ZFYVE9: variants seen among roughly 807,000 people sequenced by gnomAD.
ZFYVE9 encodes zinc finger FYVE domain-containing protein 9.
ZFYVE9 carries 43 observed loss-of-function variants against 126.7 expected under a neutral mutation model. That is an observed-to-expected ratio of 0.34 (90% CI 0.27 to 0.44). The LOEUF is 0.44. Ranked by LOEUF, ZFYVE9 falls within the 20% of genes least tolerant of loss-of-function variation. The pLI is 1.00. For synonymous variants in ZFYVE9, 521 were observed against 597.4 expected (o/e 0.87, Z 1.87); for missense variants, 1,476 against 1,697.0 (o/e 0.87, Z 2.29).
intron 1 of ZFYVE9, among the ~76,000 whole-genome samples, chr1:52,172,044 C>T (rs1644577011): frequency 6.6e-6 from 1 of 151,942 alleles, no homozygotes; most frequent in African/African-American, 2.4e-5. Flanking sequence ...GTTGCCATTG[C>T]TTTTGGTGTT....
In ZFYVE9 at chr1:52,152,801, A is replaced by G. The variant is rs560276765; in HGVS notation, c.-143+10398A>G. Among the ~76,000 whole-genome samples, 19 of 152,342 alleles carry G rather than the reference A, an allele frequency of 1.2e-4. No individual in the cohort carries two copies. The South Asian group carries it at 3.9e-3, about 32-fold the overall frequency. ...ATCAGTGGGTTAAATAAACAGATACATGTAAAGAGCTAAGTACATAGTGTA... is the reference window on the plus strand; with the variant it reads ...ATCAGTGGGTTAAATAAACAGATACGTGTAAAGAGCTAAGTACATAGTGTA... On this transcript the variant is annotated intron_variant, in intron 1 of 18. Transcript: ENST00000287727.
In ZFYVE9 at chr1:52,254,020, A is replaced by G. The variant is rs983260605; in HGVS notation, c.2179-9753A>G. 3.9e-6 allele frequency: 3 copies of G among 763,636 alleles called. No homozygotes were observed. The African/African-American group carries it at 5.2e-5, about 13-fold the overall frequency. 47.3% of individuals were successfully genotyped at this position (763,636 alleles called of 1,614,324 possible). ...TGATAATCATAGGAAGCCAACTTGGACGTTAATGATACAGATTGCTGTTCT... is the reference window on the plus strand; with the variant it reads ...TGATAATCATAGGAAGCCAACTTGGGCGTTAATGATACAGATTGCTGTTCT... On this transcript the variant is annotated intron_variant, in intron 4 of 18. Coordinates refer to ENST00000287727, the MANE Select transcript of ZFYVE9 (RefSeq NM_004799.4).
intron 4 of ZFYVE9, among the ~76,000 whole-genome samples, chr1:52,255,898 T>C (rs531751600): frequency 8.8e-5 from 9 of 102,128 alleles, no homozygotes; most frequent in Non-Finnish European, 1.6e-4. Context: ...CTATTTTGCT[T>C]TTTTCTTTTC....
At chr1:52,181,327 C>T (rs1417603419) in intron 1 of ZFYVE9, among the ~76,000 whole-genome samples, 9 of 152,242 alleles carry the variant, frequency 5.9e-5, no homozygotes, top group South Asian at 2.1e-4. Flanking sequence ...GCGAGTGATC[C>T]GCCAGCCTCG....
At chr1:52,183,287 AAGTAAACC>A (rs1306661391) in intron 1 of ZFYVE9, among the ~76,000 whole-genome samples, 46 of 152,294 alleles carry the variant, frequency 3.0e-4, no homozygotes, top group Non-Finnish European at 5.9e-4. Context: ...ATATATTGGG[AAGTAAACC>A]AGTTAAGTAG....
At chr1:52,252,649 C>G (rs1428626465) in intron 4 of ZFYVE9, 8 of 319,940 alleles carry the variant, frequency 2.5e-5, no homozygotes, top group Non-Finnish European at 3.9e-5. Flanking sequence ...TGAGCCACCA[C>G]GCCTGGCCGA....
intron 1 of ZFYVE9, among the ~76,000 whole-genome samples, chr1:52,206,005 A>G (rs2124578063): frequency 6.6e-6 from 1 of 152,296 alleles, no homozygotes; most frequent in South Asian, 2.1e-4. Flanking sequence ...GTTGAAACTG[A>G]TTTTGATGCC....
chr1:52,189,757 C>G (rs1486299661), intron 1 of ZFYVE9, among the ~76,000 whole-genome samples: 1 of 150,844 alleles, frequency 6.6e-6, no homozygotes, highest in African/African-American at 2.4e-5. Context: ...CCTATGTTTT[C>G]TTTGAAGAGT....
chr1:52,181,601 C>T (rs1042096429), intron 1 of ZFYVE9, among the ~76,000 whole-genome samples: 1 of 150,698 alleles, frequency 6.6e-6, no homozygotes, highest in African/African-American at 2.5e-5. Flanking sequence ...AAGTGAGGAG[C>T]GTCTCTGCCC....
chr1:52,156,377 A>G (rs942273358), intron 1 of ZFYVE9, among the ~76,000 whole-genome samples: 7 of 152,226 alleles, frequency 4.6e-5, no homozygotes, highest in African/African-American at 1.4e-4. Context: ...ATGGATATAT[A>G]TAGGGACTAC....
intron 10 of ZFYVE9, among the ~76,000 whole-genome samples, chr1:52,290,519 A>G (rs1376898951): frequency 1.3e-5 from 2 of 152,152 alleles, no homozygotes; most frequent in Non-Finnish European, 2.9e-5. Flanking sequence ...AGATAAAGAG[A>G]TGAAAAAAAA....
rs1644271275 is a variant in ZFYVE9 at position 52,142,713 on chromosome 1, C to T, written c.-143+310C>T. ...GGTTTGCATGGGCCCGGGCCGAGCG[C>T]AGCCTCTTAGCCCGGGCCCTGCACG... On this transcript the variant is annotated intron_variant, in intron 1 of 18. Coordinates refer to ENST00000287727, the MANE Select transcript of ZFYVE9 (RefSeq NM_004799.4). This position sits in a 1 kb window ranked among gnomAD's most constrained non-coding sequence, Gnocchi z 4.5. 6.6e-6 allele frequency among the ~76,000 whole-genome samples: 1 copy of T among 152,158 alleles called. No homozygotes were observed. The highest frequency in any genetic ancestry group is 2.1e-4 in the South Asian group (1 of 4,828).
chr1:52,162,695 G>A, intron 1 of ZFYVE9: 1 of 294,580 alleles, frequency 3.4e-6, no homozygotes, highest in East Asian at 8.0e-5. Context: ...TTGCCCTTCT[G>A]CCAGTGTGTC....
At chr1:52,163,010 C>T (rs1644477551) in intron 1 of ZFYVE9, 1 of 264,392 alleles carries the variant, frequency 3.8e-6, no homozygotes, top group Non-Finnish European at 7.3e-6. Flanking sequence ...CCCATTTATT[C>T]TTCCAGATTC....
rs1219681259 is a variant in ZFYVE9 at position 52,274,464 on chromosome 1, A to G, written c.2626A>G (p.Thr876Ala). 1 of 1,605,468 alleles carries G rather than the reference A, an allele frequency of 6.2e-7. No homozygotes were observed. The highest frequency in any genetic ancestry group is 2.2e-5 in the East Asian group (1 of 44,712). Residue 876 changes from threonine (T) to alanine (A), a missense_variant and splice_region_variant, in exon 8 of 19, where the codon ACG (threonine) becomes GCG (alanine). Physicochemically the swap from Thr to Ala is moderately conservative, Grantham distance 58. Coordinates refer to ENST00000287727, the MANE Select transcript of ZFYVE9 (RefSeq NM_004799.4). ...PVTTSPLPAE[T>A]DICLFSGSIT... ...CACTTTGTTGATTTGCTTTTCCTAG[A>G]CGGATATTTGTCTATTCTCTGGGAG...
intron 7 of ZFYVE9, 106 bp downstream of exon 7, chr1:52,268,738 C>G: frequency 7.5e-7 from 1 of 1,332,624 alleles, no homozygotes; most frequent in South Asian, 1.4e-5. Flanking sequence ...TTGGATACAA[C>G]TTAGTGTATA....
chr1:52,285,290 A>T (rs1645847009), intron 10 of ZFYVE9, among the ~76,000 whole-genome samples: 1 of 152,176 alleles, frequency 6.6e-6, no homozygotes, highest in African/African-American at 2.4e-5. Context: ...ATTTCACTAT[A>T]AATTTTTTAA....
At chr1:52,332,692 G>C in intron 13 of ZFYVE9, 76 bp from the exon 14 acceptor site, 1 of 1,515,372 alleles carries the variant, frequency 6.6e-7, no homozygotes, top group Middle Eastern at 2.3e-4. Context: ...TTTTGTTTTT[G>C]AGAAGATGGA....
chr1:52,280,008 C>T (rs17364143), intron 9 of ZFYVE9, among the ~76,000 whole-genome samples: 2 of 151,994 alleles, frequency 1.3e-5, no homozygotes, highest in Non-Finnish European at 2.9e-5. Flanking sequence ...TTGCTACCTT[C>T]TAGGATCAGA....
Sources: gnomAD v4.1 joint callset for allele counts (sites outside exome capture counted in the v4.1 genomes callset) on GRCh38, gnomAD v4.1.1 for gene constraint, Gnocchi (gnomAD v3.1) non-coding constraint, MANE v1.5 for transcripts, NCBI Gene and HGNC (gene_info 2026-07-23, HGNC 2026-07-21) for gene names.